FRYL: variants seen among roughly 807,000 people sequenced by gnomAD.
FRYL encodes the protein FRY like transcription coactivator.
In FRYL, 150 loss-of-function variants were observed where a neutral mutation model predicts 351.2. That is an observed-to-expected ratio of 0.43 (90% CI 0.37 to 0.49). The LOEUF (loss-of-function observed/expected upper bound fraction) is 0.49. FRYL is among the 20% of genes least tolerant of loss of function. The probability of loss-of-function intolerance (pLI) is 0.00; values close to 1 mark genes in which losing one functional copy is unlikely to be tolerated. For missense variants in FRYL, 3,036 were observed against 3,619.3 expected, an observed-to-expected ratio of 0.84 and a Z score of 4.13; for synonymous variants, 1,153 against 1,257.1, an observed-to-expected ratio of 0.92 and a Z score of 1.75.
intron 2 of FRYL, among the ~76,000 whole-genome samples, chr4:48,703,143 G>A (rs1336902295): frequency 2.6e-5 from 4 of 152,114 alleles, no homozygotes; most frequent in South Asian, 2.1e-4. Context: ...TAGAACCACC[G>A]TAAGTTTTTG....
chr4:48,569,222 C>T (rs1737672064), intron 27 of FRYL, among the ~76,000 whole-genome samples: 1 of 152,182 alleles, frequency 6.6e-6, no homozygotes, highest in Non-Finnish European at 1.5e-5. Flanking sequence ...TTTTTTGCAT[C>T]AAGCCCACAA....
chr4:48,660,729 A>G (rs1455467199), intron 3 of FRYL, among the ~76,000 whole-genome samples: 3 of 152,226 alleles, frequency 2.0e-5, no homozygotes, highest in Non-Finnish European at 4.4e-5. Flanking sequence ...TCATTTTAAT[A>G]CTACAGACTC....
At chr4:48,706,901 G>A (rs1265907904) in intron 2 of FRYL, among the ~76,000 whole-genome samples, 3 of 152,100 alleles carry the variant, frequency 2.0e-5, no homozygotes, top group African/African-American at 4.8e-5. Context: ...ACCCCCAGAA[G>A]GCTGTTCCTT....
chr4:48,646,031 T>A (rs2149411326), intron 3 of FRYL: 1 of 152,320 alleles, frequency 6.6e-6, no homozygotes, highest in Non-Finnish European at 1.5e-5. Flanking sequence ...TAATAAAATT[T>A]ACTCATTCAG....
chr4:48,739,400 C>CAAAA (rs1370572101), intron 1 of FRYL, among the ~76,000 whole-genome samples: 1 of 33,612 alleles, frequency 3.0e-5, no homozygotes, highest in African/African-American at 8.1e-5. Context: ...GACTCCGTCT[C>CAAAA]AAAAAAAAAA....
intron 1 of FRYL, among the ~76,000 whole-genome samples, chr4:48,768,325 CA>C (rs1775170107): frequency 6.6e-6 from 1 of 152,202 alleles, no homozygotes; most frequent in Non-Finnish European, 1.5e-5. Context: ...ATTAATACAT[CA>C]AAATACAAGC....
At position 48,501,855 on chromosome 4, in the gene FRYL, G is replaced by A. The variant is rs533116905; in HGVS notation, c.8482-122C>T. 37 of 649,940 alleles carry A rather than the reference G, an allele frequency of 5.7e-5. No homozygotes were observed. The Admixed American group carries it at 1.0e-3, about 18-fold the overall frequency. 40.3% of individuals were successfully genotyped at this position (649,940 alleles called of 1,614,324 possible). On this transcript the variant is annotated intron_variant, in intron 61 of 63. Transcript: ENST00000358350. ...TTTCTGCAGTAAGGAAGTTAATATG[G>A]TATGAAGCTGATGAAAGGCACGTGA...
chr4:48,675,206 C>T (rs1455398270), intron 3 of FRYL, among the ~76,000 whole-genome samples: 1 of 152,208 alleles, frequency 6.6e-6, no homozygotes, highest in Non-Finnish European at 1.5e-5. Context: ...CGCTTGCTCT[C>T]GGCACCTCCT....
chr4:48,560,990 C>T (rs188971693), intron 33 of FRYL, among the ~76,000 whole-genome samples: 66 of 152,244 alleles, frequency 4.3e-4, no homozygotes, highest in Non-Finnish European at 7.4e-4. Flanking sequence ...TTGATGTAGG[C>T]GACAAGCAAC....
At chr4:48,540,242 A>G (rs897012688) in intron 46 of FRYL, 111 bp downstream of exon 46, 1 of 1,321,584 alleles carries the variant, frequency 7.6e-7, no homozygotes, top group Admixed American at 2.7e-5. Context: ...CTAGCGTATA[A>G]AAACTATGAC....
chr4:48,648,938 A>AT (rs1462118528), intron 3 of FRYL, among the ~76,000 whole-genome samples: 3 of 152,208 alleles, frequency 2.0e-5, no homozygotes, highest in African/African-American at 7.2e-5. Context: ...AACCCACCAA[A>AT]TTGAATACTT....
At chr4:48,681,061 G>A in intron 3 of FRYL, 1 of 1,282,928 alleles carries the variant, frequency 7.8e-7, no homozygotes, top group South Asian at 1.3e-5. Flanking sequence ...ACTTTCCTCA[G>A]TACTAGTATC....
chr4:48,510,171 A>G lies in FRYL; in HGVS notation c.8296-14T>C. Reference sequence around the variant, plus strand: ...ACATGACATCAGCTGTCAAATCAGAAGTATTGATCCAGGTTACCATTTCTG... The same window carrying G: ...ACATGACATCAGCTGTCAAATCAGAGGTATTGATCCAGGTTACCATTTCTG... On this transcript the variant is annotated splice_polypyrimidine_tract_variant and intron_variant, in intron 58 of 63. Transcript: ENST00000358350. The G allele has an allele frequency of 6.3e-7, 1 of 1,586,758 alleles. No homozygotes were observed. Among genetic ancestry groups the G allele is most frequent in the Non-Finnish European group, 8.7e-7 (1 of 1,155,246 alleles).
intron 3 of FRYL, among the ~76,000 whole-genome samples, chr4:48,668,715 T>C (rs946080659): frequency 6.6e-6 from 1 of 152,182 alleles, no homozygotes; most frequent in Non-Finnish European, 1.5e-5. Flanking sequence ...AATAGAATAA[T>C]AACTGAGGCT....
intron 1 of FRYL, among the ~76,000 whole-genome samples, chr4:48,724,752 C>G (rs1769892739): frequency 6.6e-6 from 1 of 152,168 alleles, no homozygotes; most frequent in Non-Finnish European, 1.5e-5. Context: ...TGCGTATTAA[C>G]AACTTCATAA....
rs1290816498 is a variant in FRYL at position 48,555,883 on chromosome 4, T to C, written c.4266+1095A>G. 2.0e-5 allele frequency among the ~76,000 whole-genome samples: 3 copies of C among 152,148 alleles called. No homozygotes were observed. The East Asian group carries it at 5.8e-4, about 29-fold the overall frequency. On this transcript the variant is annotated intron_variant, in intron 35 of 63. Coordinates refer to ENST00000358350, the MANE Select transcript of FRYL (RefSeq NM_015030.2). Reference sequence around the variant, plus strand: ...TTTAAAATAGAATCTGTAGAACTTTTATTTATTTATTTATTTTTATTTTAT... The same window carrying C: ...TTTAAAATAGAATCTGTAGAACTTTCATTTATTTATTTATTTTTATTTTAT...
intron 1 of FRYL, among the ~76,000 whole-genome samples, chr4:48,764,193 A>T (rs1774709140): frequency 6.6e-6 from 1 of 151,980 alleles, no homozygotes; most frequent in South Asian, 2.1e-4. Context: ...TAAATAAATA[A>T]ATTAAATTCA....
intron 2 of FRYL, among the ~76,000 whole-genome samples, chr4:48,703,962 A>G (rs1164888713): frequency 1.3e-5 from 2 of 152,216 alleles, no homozygotes; most frequent in Non-Finnish European, 2.9e-5. Flanking sequence ...GATAAAGGGA[A>G]CACAGGTTTG....
intron 1 of FRYL, among the ~76,000 whole-genome samples, chr4:48,779,679 G>C (rs1240775019): frequency 6.6e-6 from 1 of 151,962 alleles, no homozygotes; most frequent in Non-Finnish European, 1.5e-5. Context: ...TCGGTGGCGA[G>C]GCGGCGCGCG....
Sources: gnomAD v4.1 joint callset for allele counts (sites outside exome capture counted in the v4.1 genomes callset) on GRCh38, gnomAD v4.1.1 for gene constraint, MANE v1.5 for transcripts, NCBI Gene and HGNC (gene_info 2026-07-23, HGNC 2026-07-21) for gene names.